The following SMPD3 variants were observed in gnomAD, a reference collection of about 807,000 sequenced individuals.
SMPD3 encodes nSMase-2.
In SMPD3, 21 loss-of-function variants were observed where a neutral mutation model predicts 55.7. The observed-to-expected ratio is 0.38, with a 90% CI of 0.27 to 0.54. The LOEUF (loss-of-function observed/expected upper bound fraction) is 0.54. Ranked by LOEUF, SMPD3 falls within the 20% of genes least tolerant of loss-of-function variation. SMPD3 has a pLI of 0.80. For missense variants in SMPD3, 842 were observed against 899.6 expected (o/e 0.94, Z 0.82); for synonymous variants, 457 against 404.3 (o/e 1.13, Z -1.56).
rs1597589146 is a variant in SMPD3, at chr16:68,364,838, T to G, written c.1468A>C (p.Thr490Pro). Residue 490 changes from threonine (T) to proline (P), a missense_variant, in exon 5 of 9, where the codon ACC becomes CCC. Physicochemically the swap from Thr to Pro is conservative, Grantham distance 38 (BLOSUM62 -1). Around this residue, in one of 2 missense-constraint regions of SMPD3, gnomAD observed 649 missense variants for 643.6 expected, o/e 1.01. Transcript: ENST00000219334. ...QDWLADFRKS[T>P]SSSSAANPEE... ...GGGTTGGCTGCGCTGGACGAGGAGG[T>G]AGATTTTCGGAAATCAGCCAGCCAG... 6.2e-7 allele frequency: 1 copy of G among 1,613,534 alleles called. No individual in the cohort carries two copies. The highest frequency in any genetic ancestry group is 1.1e-5 in the South Asian group (1 of 91,050).
rs2089678410 is a variant in SMPD3 at position 68,371,780 on chromosome 16, C to T, written c.402G>A (p.Leu134=). 1 of 1,610,458 alleles carries T rather than the reference C, an allele frequency of 6.2e-7. No homozygotes were observed. Among genetic ancestry groups the T allele is most frequent in the Non-Finnish European group, 8.5e-7 (1 of 1,178,614 alleles). Residue 134 remains leucine (L), a synonymous_variant, in exon 3 of 9, where the codon CTG becomes CTA. Transcript: ENST00000219334. ...FCFATANVCL[L]PDSLARVNNL... ...TGTTGACCCTGGCGAGTGAGTCGGGCAGGAGGCAGACGTTGGCAGTGGCAA... is the reference window on the plus strand; with the variant it reads ...TGTTGACCCTGGCGAGTGAGTCGGGTAGGAGGCAGACGTTGGCAGTGGCAA...
At chr16:68,397,437 T>A (rs969517716) in intron 1 of SMPD3, among the ~76,000 whole-genome samples, 1 of 152,208 alleles carries the variant, frequency 6.6e-6, no homozygotes, top group Non-Finnish European at 1.5e-5. Flanking sequence ...GCTGTGGGGC[T>A]GAGGGATGAT....
intron 1 of SMPD3, among the ~76,000 whole-genome samples, chr16:68,401,101 T>G (rs1261741205): frequency 6.6e-6 from 1 of 152,212 alleles, no homozygotes; most frequent in Non-Finnish European, 1.5e-5. Flanking sequence ...GAGTCTTGAA[T>G]GAACCACCCA....
At chr16:68,417,501 G>C (rs1005941207) in intron 1 of SMPD3, among the ~76,000 whole-genome samples, 3 of 152,182 alleles carry the variant, frequency 2.0e-5, no homozygotes, top group Non-Finnish European at 4.4e-5. Flanking sequence ...CCTCCCTAAG[G>C]AGCCACTTGA....
chr16:68,422,973 T>C (rs954007063), intron 1 of SMPD3, among the ~76,000 whole-genome samples: 2 of 152,344 alleles, frequency 1.3e-5, no homozygotes, highest in Admixed American at 6.5e-5. Context: ...TTAGTTGTAA[T>C]GGTAAACCTT....
At chr16:68,376,497 G>C (rs538501334) in intron 2 of SMPD3, among the ~76,000 whole-genome samples, 1 of 152,362 alleles carries the variant, frequency 6.6e-6, no homozygotes, top group African/African-American at 2.4e-5. Flanking sequence ...CTTGAGGGCT[G>C]AGTTTTTGCA....
At chr16:68,432,931 G>T (rs1305679936) in intron 1 of SMPD3, among the ~76,000 whole-genome samples, 1 of 152,122 alleles carries the variant, frequency 6.6e-6, no homozygotes, top group Non-Finnish European at 1.5e-5. Flanking sequence ...AGCCTCCAGA[G>T]CAGCTGGGAC....
At chr16:68,437,806 TCTGGCGCAGAGTGCAA>T (rs1301216320) in intron 1 of SMPD3, among the ~76,000 whole-genome samples, 2 of 152,158 alleles carry the variant, frequency 1.3e-5, no homozygotes, top group Non-Finnish European at 2.9e-5. Context: ...TGGAGAGAAA[TCTGGCGCAGAGTGCAA>T]CTGCAGCCAT....
In SMPD3 at chr16:68,359,050, G is replaced by T. The variant is rs1470644146; in HGVS notation, c.*2156C>A. On this transcript the variant is annotated 3_prime_UTR_variant, in exon 9 of 9. Transcript: ENST00000219334. Reference sequence around the variant, plus strand: ...TGACTTGCCTAAGGCCGCCTGTGAGGTGGGAGGGGAGGAGCATGCAGCCCT... The same window carrying T: ...TGACTTGCCTAAGGCCGCCTGTGAGTTGGGAGGGGAGGAGCATGCAGCCCT... 6.5e-6 allele frequency: 1 copy of T among 152,680 alleles called. No individual in the cohort carries two copies. The highest frequency in any genetic ancestry group is 1.5e-5 in the Non-Finnish European group (1 of 68,090). 9.5% of individuals were successfully genotyped at this position (152,680 alleles called of 1,614,324 possible).
chr16:68,444,434 C>T (rs1425791498), intron 1 of SMPD3, among the ~76,000 whole-genome samples: 2 of 152,230 alleles, frequency 1.3e-5, no homozygotes, highest in African/African-American at 2.4e-5. Flanking sequence ...ATGACCAGCC[C>T]TTCTGGAAAT....
intron 1 of SMPD3, among the ~76,000 whole-genome samples, chr16:68,413,608 T>C (rs1597655552): frequency 1.3e-5 from 2 of 152,226 alleles, no homozygotes; most frequent in East Asian, 3.8e-4. Context: ...AAAAGATATA[T>C]GGACTCAGAA....
chr16:68,409,482 A>C (rs1799381823), intron 1 of SMPD3, among the ~76,000 whole-genome samples: 1 of 152,208 alleles, frequency 6.6e-6, no homozygotes, highest in African/African-American at 2.4e-5. Context: ...TCCATCTCTG[A>C]AGTGGGCATT....
chr16:68,400,381 C>T (rs1360692287), intron 1 of SMPD3, among the ~76,000 whole-genome samples: 2 of 151,976 alleles, frequency 1.3e-5, no homozygotes, highest in African/African-American at 4.8e-5. Flanking sequence ...AGCTTGGTGA[C>T]CATCAGGCCC....
At position 68,447,379 on chromosome 16, in the gene SMPD3, T is replaced by C. The variant is rs931601414; in HGVS notation, c.-269+974A>G. ...CCGCTCTGTACATGCCCATCTGGGA[T>C]TGGCCCCCAGCTGCGGTGCCAGAGG... On this transcript the variant is annotated intron_variant, in intron 1 of 8. Transcript: ENST00000219334. This position sits in a 1 kb window ranked among gnomAD's most constrained non-coding sequence, Gnocchi z 5.1. Among the ~76,000 whole-genome samples the C allele has an allele frequency of 8.5e-5, 13 of 152,150 alleles. No homozygotes were observed. Among genetic ancestry groups the C allele is most frequent in the African/African-American group, 3.1e-4 (13 of 41,442 alleles).
chr16:68,439,187 T>A (rs540473409), intron 1 of SMPD3, among the ~76,000 whole-genome samples: 19 of 152,232 alleles, frequency 1.2e-4, no homozygotes, highest in African/African-American at 4.6e-4. Flanking sequence ...AGGCCACACA[T>A]TTGATGGTAA....
intron 1 of SMPD3, among the ~76,000 whole-genome samples, chr16:68,405,276 C>T (rs530460142): frequency 3.9e-5 from 6 of 152,158 alleles, no homozygotes; most frequent in Admixed American, 6.5e-5. Context: ...ACAGGCCGGA[C>T]GTGGTTGCTC....
Position 68,447,336 on chromosome 16 carries a change from G to A in SMPD3, c.-269+1017C>T, listed in dbSNP as rs1299659924. ...CTACCTGGAGCTCTTGAGTGCTTGA[G>A]GGGAGACCCGCCCCGTCCCGCTCTG... On this transcript the variant is annotated intron_variant, in intron 1 of 8. Coordinates refer to ENST00000219334, the MANE Select transcript of SMPD3 (RefSeq NM_018667.4). The surrounding 1 kb of genome is among the most constrained non-coding windows in gnomAD (Gnocchi z 5.1). 2.0e-5 allele frequency among the ~76,000 whole-genome samples: 3 copies of A among 152,148 alleles called. No individual in the cohort carries two copies. Among genetic ancestry groups the A allele is most frequent in the African/African-American group, 4.8e-5 (2 of 41,440 alleles).
intron 2 of SMPD3, among the ~76,000 whole-genome samples, chr16:68,386,345 T>C (rs971494900): frequency 6.6e-6 from 1 of 152,188 alleles, no homozygotes; most frequent in Non-Finnish European, 1.5e-5. Context: ...GAGGGAGTTA[T>C]TGTTTTCTCC....
At chr16:68,392,599 C>T (rs145350076) in intron 1 of SMPD3, among the ~76,000 whole-genome samples, 87 of 152,210 alleles carry the variant, frequency 5.7e-4, no homozygotes, top group African/African-American at 1.9e-3. Flanking sequence ...CAGTGGCTCA[C>T]GCCTGTAATC....
Sources: gnomAD v4.1 joint callset for allele counts (sites outside exome capture counted in the v4.1 genomes callset) on GRCh38, gnomAD v4.1.1 for gene constraint, gnomAD v4.1.1 regional missense constraint, Gnocchi (gnomAD v3.1) non-coding constraint, MANE v1.5 for transcripts, NCBI Gene and HGNC (gene_info 2026-07-23, HGNC 2026-07-21) for gene names.